The following GFRA1 variants were observed in gnomAD, a reference collection of about 807,000 sequenced individuals.
The protein encoded by GFRA1 is GDNF family receptor alpha 1, also known as GDNF family receptor alpha-1.
GFRA1 carries 16 observed loss-of-function variants against 51.6 expected under a neutral mutation model. That is an observed-to-expected ratio of 0.31 (90% confidence interval 0.21 to 0.47). The LOEUF (loss-of-function observed/expected upper bound fraction) is 0.47. GFRA1 is among the 20% of genes least tolerant of loss of function. The probability of loss-of-function intolerance (pLI) is 1.00; values close to 1 mark genes in which losing one functional copy is unlikely to be tolerated. For synonymous variants in GFRA1, 270 were observed against 241.3 expected, an observed-to-expected ratio of 1.12 and a Z score of -1.10; for missense variants, 530 against 594.3, an observed-to-expected ratio of 0.89 and a Z score of 1.13.
intron 5 of GFRA1, among the ~76,000 whole-genome samples, chr10:116,172,438 T>C (rs971548250): frequency 6.6e-6 from 1 of 152,016 alleles, no homozygotes; most frequent in Non-Finnish European, 1.5e-5. Flanking sequence ...ATATAGAGAC[T>C]AAAAATTACT....
intron 9 of GFRA1, among the ~76,000 whole-genome samples, chr10:116,074,093 T>C (rs942510191): frequency 1.3e-5 from 2 of 152,228 alleles, no homozygotes; most frequent in African/African-American, 4.8e-5. Context: ...CACCCGATGA[T>C]GATCCCATCT....
At chr10:116,223,811 T>C (rs1966093402) in intron 4 of GFRA1, among the ~76,000 whole-genome samples, 1 of 152,196 alleles carries the variant, frequency 6.6e-6, no homozygotes, top group Non-Finnish European at 1.5e-5. Flanking sequence ...ATTCACTGAC[T>C]CAACACAATC....
At chr10:116,167,740 A>AT (rs1960621164) in intron 5 of GFRA1, among the ~76,000 whole-genome samples, 1 of 152,138 alleles carries the variant, frequency 6.6e-6, no homozygotes, top group Non-Finnish European at 1.5e-5. Flanking sequence ...TCTAGGGAGG[A>AT]TCCCAGGAGA....
chr10:116,135,645 C>A lies in GFRA1; in HGVS notation c.434-10088G>T, dbSNP rs1958291763. Among the ~76,000 whole-genome samples the A allele has an allele frequency of 2.0e-5, 3 of 152,140 alleles. No individual in the cohort carries two copies. The South Asian group carries it at 6.2e-4, about 32-fold the overall frequency. ...TTATAATATTAGACATAAAAACACTCATTAAAATATATTTTATCTAATGTA... is the reference window on the plus strand; with the variant it reads ...TTATAATATTAGACATAAAAACACTAATTAAAATATATTTTATCTAATGTA... On this transcript the variant is annotated intron_variant, in intron 5 of 10. Coordinates refer to ENST00000355422, the MANE Select transcript of GFRA1 (RefSeq NM_005264.8).
rs530584285 is a variant in GFRA1, at chr10:116,263,349, T to C, written c.418+6154A>G. Among the ~76,000 whole-genome samples, 7 of 152,294 alleles carry C rather than the reference T, an allele frequency of 4.6e-5. No individual in the cohort carries two copies. In the South Asian group the frequency reaches 1.5e-3, roughly 32 times the overall value. On this transcript the variant is annotated intron_variant, in intron 4 of 10. Coordinates refer to ENST00000355422, the MANE Select transcript of GFRA1 (RefSeq NM_005264.8). ...AGGACCAAGTATGTTTCAGGCACTA[T>C]ACTGGATATTTTACATATAACATCT...
intron 5 of GFRA1, among the ~76,000 whole-genome samples, chr10:116,155,693 C>G (rs922323805): frequency 6.6e-6 from 1 of 152,140 alleles, no homozygotes; most frequent in Non-Finnish European, 1.5e-5. Context: ...GGAAGGAGCA[C>G]AATTATTTTC....
intron 5 of GFRA1, among the ~76,000 whole-genome samples, chr10:116,145,410 T>A (rs897748429): frequency 6.8e-6 from 1 of 146,626 alleles, no homozygotes; most frequent in East Asian, 2.1e-4. Context: ...CAGGAAAGAA[T>A]AGAATTTCAA....
At chr10:116,092,039 G>A (rs1216731737) in intron 8 of GFRA1, among the ~76,000 whole-genome samples, 1 of 149,526 alleles carries the variant, frequency 6.7e-6, no homozygotes, top group Non-Finnish European at 1.5e-5. Context: ...CTTTATCTTC[G>A]TTAAAACTTG....
intron 9 of GFRA1, among the ~76,000 whole-genome samples, chr10:116,081,425 C>G (rs1038970683): frequency 2.6e-5 from 4 of 152,230 alleles, no homozygotes; most frequent in Non-Finnish European, 5.9e-5. Flanking sequence ...CTGATTTAAT[C>G]TATAGCGATG....
chr10:116,091,726 C>CAAATTGCAA (rs1222579360), intron 8 of GFRA1, among the ~76,000 whole-genome samples: 4 of 152,234 alleles, frequency 2.6e-5, no homozygotes, highest in African/African-American at 9.6e-5. Context: ...CTGGAATCTA[C>CAAATTGCAA]AAATTGCAAT....
At chr10:116,098,709 T>C (rs1287526118) in intron 6 of GFRA1, among the ~76,000 whole-genome samples, 1 of 152,158 alleles carries the variant, frequency 6.6e-6, no homozygotes, top group Non-Finnish European at 1.5e-5. Flanking sequence ...TCACAGTCTC[T>C]CCAGCAGACT....
At chr10:116,174,612 A>C (rs1004576729) in intron 5 of GFRA1, among the ~76,000 whole-genome samples, 10 of 152,224 alleles carry the variant, frequency 6.6e-5, no homozygotes, top group Non-Finnish European at 1.3e-4. Context: ...CATAGCTGAC[A>C]ACAGACTACC....
intron 4 of GFRA1, among the ~76,000 whole-genome samples, chr10:116,229,658 C>T (rs1252375450): frequency 1.3e-5 from 2 of 152,090 alleles, no homozygotes; most frequent in Non-Finnish European, 2.9e-5. Context: ...GAGGTGGCTC[C>T]CCTGCTAGGT....
chr10:116,247,573 A>G (rs906204308), intron 4 of GFRA1, among the ~76,000 whole-genome samples: 1 of 152,132 alleles, frequency 6.6e-6, no homozygotes, highest in Non-Finnish European at 1.5e-5. Context: ...TCCACTGCTC[A>G]GCTTGCTCCT....
intron 4 of GFRA1, among the ~76,000 whole-genome samples, chr10:116,218,572 C>T (rs1440548509): frequency 6.6e-6 from 1 of 152,184 alleles, no homozygotes; most frequent in Non-Finnish European, 1.5e-5. Context: ...GCCTCAGTGG[C>T]ACCACATAGG....
intron 5 of GFRA1, among the ~76,000 whole-genome samples, chr10:116,147,920 AG>A (rs1286869475): frequency 3.3e-5 from 5 of 151,852 alleles, no homozygotes; most frequent in African/African-American, 9.7e-5. Flanking sequence ...TTGGAATACA[AG>A]TTGTAACATT....
intron 4 of GFRA1, among the ~76,000 whole-genome samples, chr10:116,259,359 T>G (rs1969132623): frequency 6.6e-6 from 1 of 151,906 alleles, no homozygotes; most frequent in African/African-American, 2.4e-5. Flanking sequence ...TAATGCTATT[T>G]ATACGACAAC....
At chr10:116,118,905 CAG>C (rs1565588969) in intron 6 of GFRA1, among the ~76,000 whole-genome samples, 1 of 152,124 alleles carries the variant, frequency 6.6e-6, no homozygotes, top group South Asian at 2.1e-4. Context: ...AGAGGGAGAA[CAG>C]GGAGTAAAAC....
chr10:116,189,941 T>C (rs1299739431), intron 5 of GFRA1, among the ~76,000 whole-genome samples: 1 of 151,994 alleles, frequency 6.6e-6, no homozygotes, highest in Non-Finnish European at 1.5e-5. Flanking sequence ...TGGTCAAAGC[T>C]CTCTATGAGA....
Sources: gnomAD v4.1 joint callset for allele counts (sites outside exome capture counted in the v4.1 genomes callset) on GRCh38, gnomAD v4.1.1 for gene constraint, MANE v1.5 for transcripts, NCBI Gene and HGNC (gene_info 2026-07-23, HGNC 2026-07-21) for gene names.